The following LMO3 variants were observed in gnomAD, a reference collection of about 807,000 sequenced individuals.
LMO3 encodes LIM domain only protein 3.
A neutral mutation model predicts 15.8 loss-of-function variants in LMO3; 2 were observed. That is an observed-to-expected ratio of 0.13 (90% CI 0.05 to 0.40). The LOEUF (loss-of-function observed/expected upper bound fraction) is 0.40. LMO3 is among the 10% of genes least tolerant of loss of function. The pLI is 0.99. For synonymous variants in LMO3, 62 were observed against 63.8 expected, an observed-to-expected ratio of 0.97 and a Z score of 0.13; for missense variants, 86 against 182.2, an observed-to-expected ratio of 0.47 and a Z score of 3.04.
rs1326386976 is a variant in LMO3 at position 16,587,391 on chromosome 12, A to G, written c.206+13264T>C. On this transcript the variant is annotated intron_variant, in intron 2 of 3. Coordinates refer to ENST00000537304, the MANE Select transcript of LMO3 (RefSeq NM_018640.5). The surrounding 1 kb of genome is among the most constrained non-coding windows in gnomAD (Gnocchi z 4.3). ...AACGTTTCACTTAAACATTTCTGCAATAAAATCTTATTGAACTGTTGCTTT... is the reference window on the plus strand; with the variant it reads ...AACGTTTCACTTAAACATTTCTGCAGTAAAATCTTATTGAACTGTTGCTTT... Among the ~76,000 whole-genome samples, 4 of 152,188 alleles carry G rather than the reference A, an allele frequency of 2.6e-5. No individual in the cohort carries two copies. Among genetic ancestry groups the G allele is most frequent in the African/African-American group, 7.2e-5 (3 of 41,454 alleles).
rs554865181 is a variant in LMO3 at position 16,555,052 on chromosome 12, A to G, written c.333-3725T>C. Among the ~76,000 whole-genome samples the G allele has an allele frequency of 5.3e-5, 8 of 152,336 alleles. No homozygotes were observed. The highest frequency in any genetic ancestry group is 1.2e-4 in the African/African-American group (5 of 41,588). Reference sequence around the variant, plus strand: ...TATACTTTACTTTCCTCATCTGTCAAATGAAGCTAATAACTACCTATTTAT... The same window carrying G: ...TATACTTTACTTTCCTCATCTGTCAGATGAAGCTAATAACTACCTATTTAT... On this transcript the variant is annotated intron_variant, in intron 3 of 3. Transcript: ENST00000537304. The surrounding 1 kb of genome is among the most constrained non-coding windows in gnomAD (Gnocchi z 5.5).
In LMO3 at chr12:16,604,759, G is replaced by A. The variant is rs1451033719; in HGVS notation, c.-9+1307C>T. 3.3e-6 allele frequency: 4 copies of A among 1,218,528 alleles called. No individual in the cohort carries two copies. Among genetic ancestry groups the A allele is most frequent in the African/African-American group, 3.0e-5 (2 of 67,036 alleles). 75.5% of individuals were successfully genotyped at this position (1,218,528 alleles called of 1,614,324 possible). On this transcript the variant is annotated intron_variant, in intron 1 of 3. Transcript: ENST00000537304. The surrounding 1 kb of genome is among the most constrained non-coding windows in gnomAD (Gnocchi z 5.3). Reference sequence around the variant, plus strand: ...AAAGCAGTTACAACAATAATATTTCGGTTCTTTCAGAAAGACACAAAAGCA... The same window carrying A: ...AAAGCAGTTACAACAATAATATTTCAGTTCTTTCAGAAAGACACAAAAGCA...
In LMO3 at chr12:16,586,203, T is replaced by C. The variant is rs1457511911; in HGVS notation, c.206+14452A>G. ...TTTTCAGGTAATCTGCCATAAATAC[T>C]ATTTCCTTCAGATGACTTCTTAAAA... On this transcript the variant is annotated intron_variant, in intron 2 of 3. Coordinates refer to ENST00000537304, the MANE Select transcript of LMO3 (RefSeq NM_018640.5). This position sits in a 1 kb window ranked among gnomAD's most constrained non-coding sequence, Gnocchi z 4.3. Among the ~76,000 whole-genome samples the C allele has an allele frequency of 6.6e-6, 1 of 150,716 alleles. No homozygotes were observed. The highest frequency in any genetic ancestry group is 6.6e-5 in the Admixed American group (1 of 15,180).
At chr12:16,564,158 C>A (rs751073819) in intron 2 of LMO3, among the ~76,000 whole-genome samples, 2 of 152,084 alleles carry the variant, frequency 1.3e-5, no homozygotes, top group Non-Finnish European at 2.9e-5. Context: ...TATCTAAAAA[C>A]AGACATGAAT....
At chr12:16,609,112 C>A (rs1944080538), upstream of LMO3, 1 of 152,042 alleles carries the variant, frequency 6.6e-6, no homozygotes, top group Non-Finnish European at 1.5e-5. Flanking sequence ...ATCAGAAAAA[C>A]CCCGTGCAGA....
In LMO3 at chr12:16,586,554, A is replaced by C. The variant is rs1471102091; in HGVS notation, c.206+14101T>G. Among the ~76,000 whole-genome samples, 1 of 152,186 alleles carries C rather than the reference A, an allele frequency of 6.6e-6. No individual in the cohort carries two copies. The highest frequency in any genetic ancestry group is 1.5e-5 in the Non-Finnish European group (1 of 68,042). Reference sequence around the variant, plus strand: ...AATATTGTCAGATTCAGGCCAACTGAATTCTGGAGGACATATGCAAAGACA... The same window carrying C: ...AATATTGTCAGATTCAGGCCAACTGCATTCTGGAGGACATATGCAAAGACA... On this transcript the variant is annotated intron_variant, in intron 2 of 3. Transcript: ENST00000537304. This position sits in a 1 kb window ranked among gnomAD's most constrained non-coding sequence, Gnocchi z 4.3.
At chr12:16,579,948 G>T (rs911526244) in intron 2 of LMO3, among the ~76,000 whole-genome samples, 28 of 152,150 alleles carry the variant, frequency 1.8e-4, no homozygotes, top group African/African-American at 6.5e-4. Context: ...TTTAAGTAAT[G>T]TTGCACAGGG....
In LMO3 at chr12:16,604,262, C is replaced by T. The variant is rs1411246723; in HGVS notation, c.-9+1804G>A. Among the ~76,000 whole-genome samples, 1 of 152,128 alleles carries T rather than the reference C, an allele frequency of 6.6e-6. No homozygotes were observed. Among genetic ancestry groups the T allele is most frequent in the East Asian group, 1.9e-4 (1 of 5,182 alleles). On this transcript the variant is annotated intron_variant, in intron 1 of 3. Transcript: ENST00000537304. The surrounding 1 kb of genome is among the most constrained non-coding windows in gnomAD (Gnocchi z 5.3). ...CTACAGGCTGCAGCCCCCTAAGGGA[C>T]AACAATGCAAATAGATGTCCCCAGA...
chr12:16,597,604 T>G lies in LMO3; in HGVS notation c.206+3051A>C, dbSNP rs899378828. 4 of 151,920 alleles carry G rather than the reference T, an allele frequency of 2.6e-5. No individual in the cohort carries two copies. The highest frequency in any genetic ancestry group is 4.4e-5 in the Non-Finnish European group (3 of 67,834). 9.4% of individuals were successfully genotyped at this position (151,920 alleles called of 1,614,324 possible). A position where few individuals can be genotyped will look rare whatever the true frequency, so the allele number is the denominator to read the frequency against. ...AAATTATCTGGCCCAGGACAATACT[T>G]GTAACCAACAATATATGTGGACAGG... On this transcript the variant is annotated intron_variant, in intron 2 of 3. Transcript: ENST00000537304. This position sits in a 1 kb window ranked among gnomAD's most constrained non-coding sequence, Gnocchi z 5.0.
At chr12:16,594,361 G>T in intron 2 of LMO3, 7 of 1,145,788 alleles carry the variant, frequency 6.1e-6, no homozygotes, top group Non-Finnish European at 7.1e-6. Context: ...AAAGAAAAAG[G>T]CCATTTATAG....
rs973103656 is a variant in LMO3 at position 16,555,454 on chromosome 12, T to C, written c.333-4127A>G. 2.0e-5 allele frequency among the ~76,000 whole-genome samples: 3 copies of C among 152,222 alleles called. No individual in the cohort carries two copies. Among genetic ancestry groups the C allele is most frequent in the Admixed American group, 6.5e-5 (1 of 15,286 alleles). On this transcript the variant is annotated intron_variant, in intron 3 of 3. Coordinates refer to ENST00000537304, the MANE Select transcript of LMO3 (RefSeq NM_018640.5). The surrounding 1 kb of genome is among the most constrained non-coding windows in gnomAD (Gnocchi z 5.5). ...TAAATGACCACGAGTTATATTTCTT[T>C]TGAACCCTTTGCAGAACCATCATAA...
chr12:16,594,412 G>A (rs1943584890), intron 2 of LMO3: 1 of 590,090 alleles, frequency 1.7e-6, no homozygotes, highest in East Asian at 2.9e-5. Context: ...AAAATACCTA[G>A]CAAATTGAAC....
intron 3 of LMO3, among the ~76,000 whole-genome samples, chr12:16,552,403 T>C (rs950805805): frequency 1.1e-4 from 16 of 152,046 alleles, no homozygotes; most frequent in Non-Finnish European, 2.1e-4. Context: ...AGTGGATAGA[T>C]TAAATTGTGT....
chr12:16,583,501 T>C (rs946143330), intron 2 of LMO3, among the ~76,000 whole-genome samples: 13 of 151,982 alleles, frequency 8.6e-5, no homozygotes, highest in African/African-American at 3.1e-4. Flanking sequence ...CACAGAATAC[T>C]GGAGGGAATG....
chr12:16,570,161 T>G (rs1208146131), intron 2 of LMO3, among the ~76,000 whole-genome samples: 1 of 152,176 alleles, frequency 6.6e-6, no homozygotes, highest in African/African-American at 2.4e-5. Context: ...TGATAGTCTA[T>G]TCTATAATGA....
rs1268447109 is a variant in LMO3, at chr12:16,584,877, G to A, written c.206+15778C>T. ...TCCTCTCTTCAAGAATTCAGGATGC[G>A]AGGAAATATTTTCAAACACCTTAGC... is the stretch of plus-strand genomic sequence containing the variant. On this transcript the variant is annotated intron_variant, in intron 2 of 3. Coordinates refer to ENST00000537304, the MANE Select transcript of LMO3 (RefSeq NM_018640.5). The surrounding 1 kb of genome is among the most constrained non-coding windows in gnomAD (Gnocchi z 5.2). Among the ~76,000 whole-genome samples the A allele has an allele frequency of 1.3e-5, 2 of 152,126 alleles. No homozygotes were observed. The highest frequency in any genetic ancestry group is 2.4e-5 in the African/African-American group (1 of 41,422).
upstream of LMO3, chr12:16,608,453 G>A (rs1396639841): frequency 2.0e-5 from 3 of 152,172 alleles, no homozygotes; most frequent in African/African-American, 7.2e-5. This position sits in a 1 kb window ranked among gnomAD's most constrained non-coding sequence, Gnocchi z 4.1. Flanking sequence ...ATTAAATGAT[G>A]GGATTATTCC....
intron 2 of LMO3, among the ~76,000 whole-genome samples, chr12:16,570,629 C>G (rs1942783306): frequency 6.6e-6 from 1 of 152,160 alleles, no homozygotes. Flanking sequence ...CACTTACTCA[C>G]TCAGGCACTA....
intron 2 of LMO3, chr12:16,594,015 T>G: frequency 1.2e-6 from 1 of 814,758 alleles, no homozygotes; most frequent in Admixed American, 3.0e-5. Flanking sequence ...TGTAGTTTTA[T>G]AAAAGTTGTC....
Sources: gnomAD v4.1 joint callset for allele counts (sites outside exome capture counted in the v4.1 genomes callset) on GRCh38, gnomAD v4.1.1 for gene constraint, Gnocchi (gnomAD v3.1) non-coding constraint, MANE v1.5 for transcripts, NCBI Gene and HGNC (gene_info 2026-07-23, HGNC 2026-07-21) for gene names.